The following TICAM2 variants were observed in gnomAD, a reference collection of about 807,000 sequenced individuals.
The protein encoded by TICAM2 is TIR domain-containing adapter molecule 2.
A neutral mutation model predicts 7.3 loss-of-function variants in TICAM2; 8 were observed. That is an observed-to-expected ratio of 1.10 (90% confidence interval 0.65 to 1.99). TICAM2 has a LOEUF of 1.99. TICAM2 is among the 30% of genes most tolerant of loss of function. The pLI, the probability that TICAM2 is intolerant of heterozygous loss-of-function variation, is 0.00. For missense variants in TICAM2, 304 were observed against 278.8 expected (o/e 1.09, Z -0.65); for synonymous variants, 113 against 99.6 (o/e 1.13, Z -0.80).
At position 115,580,796 on chromosome 5, in the gene TICAM2, T is replaced by C. The variant is rs774241097; in HGVS notation, c.461A>G (p.Tyr154Cys). The C allele has an allele frequency of 4.9e-5, 79 of 1,600,518 alleles. No homozygotes were observed. The highest frequency in any genetic ancestry group is 3.3e-4 in the Middle Eastern group (2 of 5,996). Residue 154 changes from tyrosine (Y) to cysteine (C), a missense_variant, in exon 2 of 2, where the codon TAT becomes TGT. Coordinates refer to ENST00000427199, the MANE Select transcript of TICAM2 (RefSeq NM_021649.7). Reference sequence around the variant, plus strand: ...GTTAACGGAGTTCATTAGGGACGTATAGAACTGGAAATTACACCAAGTATC... The same window carrying C: ...GTTAACGGAGTTCATTAGGGACGTACAGAACTGGAAATTACACCAAGTATC... ...LRDTWCNFQF[Y>C]TSLMNSVNRQ...
rs1252599861 is a variant in TICAM2, at chr5:115,579,110, A to C, written c.*1439T>G. On this transcript the variant is annotated 3_prime_UTR_variant, in exon 2 of 2. Coordinates refer to ENST00000427199, the MANE Select transcript of TICAM2 (RefSeq NM_021649.7). ...TTTAAGAAAGCCTGAGTAAGCATGT[A>C]TATTTTTTTCCTGTGACTTTAAGTG... 6.6e-6 allele frequency: 1 copy of C among 152,662 alleles called. No individual in the cohort carries two copies. Among genetic ancestry groups the C allele is most frequent in the Non-Finnish European group, 1.5e-5 (1 of 68,024 alleles). 9.5% of individuals were successfully genotyped at this position (152,662 alleles called of 1,614,324 possible).
intron 1 of TICAM2, among the ~76,000 whole-genome samples, chr5:115,591,561 A>T (rs1181452133): frequency 6.6e-6 from 1 of 152,246 alleles, no homozygotes; most frequent in Non-Finnish European, 1.5e-5. Flanking sequence ...TTGTCAGATA[A>T]CTGCAAACTT....
intron 1 of TICAM2, among the ~76,000 whole-genome samples, chr5:115,586,027 A>G (rs930226764): frequency 2.6e-5 from 4 of 152,214 alleles, no homozygotes; most frequent in African/African-American, 9.6e-5. Context: ...TAGGCATTGA[A>G]TATAGAGTCT....
chr5:115,592,953 G>T (rs1204850033), intron 1 of TICAM2, among the ~76,000 whole-genome samples: 1 of 152,164 alleles, frequency 6.6e-6, no homozygotes, highest in Non-Finnish European at 1.5e-5. Flanking sequence ...CGACCAGCCT[G>T]GCCAACATGG....
At chr5:115,586,317 C>A (rs932141227) in intron 1 of TICAM2, among the ~76,000 whole-genome samples, 3 of 151,572 alleles carry the variant, frequency 2.0e-5, no homozygotes, top group Admixed American at 6.6e-5. Flanking sequence ...TGTCTTTAGG[C>A]TAGATTTATG....
chr5:115,582,360 G>A (rs1754960033), intron 1 of TICAM2, among the ~76,000 whole-genome samples: 2 of 142,130 alleles, frequency 1.4e-5, no homozygotes, highest in African/African-American at 5.2e-5. Context: ...TTTTGGTAGA[G>A]ATGGGGTTTC....
At chr5:115,587,556 C>G (rs548555953) in intron 1 of TICAM2, among the ~76,000 whole-genome samples, 4 of 152,170 alleles carry the variant, frequency 2.6e-5, no homozygotes, top group Non-Finnish European at 5.9e-5. Context: ...GAGCCCCAAA[C>G]AGATGAAGTG....
intron 1 of TICAM2, among the ~76,000 whole-genome samples, chr5:115,590,451 C>T (rs1755259524): frequency 1.3e-5 from 2 of 152,170 alleles, no homozygotes; most frequent in Admixed American, 1.3e-4. Context: ...CAGTGCTTCC[C>T]ATACCTGGAT....
chr5:115,580,923 A>G lies in TICAM2; in HGVS notation c.334T>C (p.Phe112Leu). The change falls in exon 2 of 2, where the codon TTT (phenylalanine) becomes CTT (leucine). Residue 112 changes from phenylalanine (F) to leucine (L), a missense_variant. Phe to Leu is a conservative substitution (Grantham distance 22). Coordinates refer to ENST00000427199, the MANE Select transcript of TICAM2 (RefSeq NM_021649.7). ...DDFGIKPGII[F>L]AEMPCGRQHL... ...TGTCTGCCACATGGCATCTCAGCAA[A>G]GATTATTCCGGGTTTGATACCAAAG... The G allele has an allele frequency of 6.2e-7, 1 of 1,613,814 alleles. No homozygotes were observed. Among genetic ancestry groups the G allele is most frequent in the Non-Finnish European group, 8.5e-7 (1 of 1,179,780 alleles).
chr5:115,587,801 A>G (rs770181612), intron 1 of TICAM2, among the ~76,000 whole-genome samples: 18 of 152,296 alleles, frequency 1.2e-4, no homozygotes, highest in African/African-American at 4.1e-4. Context: ...GGCATAAAAG[A>G]GCATCTTAGA....
chr5:115,582,702 C>T lies in TICAM2; in HGVS notation c.-59-1387G>A, dbSNP rs193213991. Among the ~76,000 whole-genome samples the T allele has an allele frequency of 4.5e-4, 69 of 152,272 alleles. No individual in the cohort carries two copies. The East Asian group carries it at 8.3e-3, about 18-fold the overall frequency. ...GTTTCATACTTTCAAATGTGAGCCACAGACTATATTCCAGAGCATTTCTAC... is the reference window on the plus strand; with the variant it reads ...GTTTCATACTTTCAAATGTGAGCCATAGACTATATTCCAGAGCATTTCTAC... On this transcript the variant is annotated intron_variant, in intron 1 of 1. Transcript: ENST00000427199.
intron 1 of TICAM2, among the ~76,000 whole-genome samples, chr5:115,587,563 A>C (rs553151531): frequency 4.7e-4 from 72 of 152,298 alleles, no homozygotes; most frequent in Non-Finnish European, 8.2e-4. Flanking sequence ...AAACAGATGA[A>C]GTGATAGTGG....
rs796347169 is a variant in TICAM2 at position 115,582,322 on chromosome 5, AT to A, written c.-59-1008del. 6.4e-3 allele frequency among the ~76,000 whole-genome samples: 833 copies of A among 130,368 alleles called. 4 individuals carry two copies. Among genetic ancestry groups the A allele is most frequent in the African/African-American group, 0.017 (605 of 35,272 alleles). The allele number at this position is 130,368 out of a possible 152,430, so 85.5% of individuals were successfully genotyped here. A position where few individuals can be genotyped will look rare whatever the true frequency, so the allele number is the denominator to read the frequency against. On this transcript the variant is annotated intron_variant, in intron 1 of 1. Coordinates refer to ENST00000427199, the MANE Select transcript of TICAM2 (RefSeq NM_021649.7). The stretch of plus-strand genomic sequence containing the variant: ...CAGGTACATGCCACACACCTGGCTA[AT>A]TTTTTTTTTTTTTGGTTTTTTTTTT...
intron 1 of TICAM2, among the ~76,000 whole-genome samples, chr5:115,601,171 T>A (rs1755718605): frequency 6.6e-6 from 1 of 152,216 alleles, no homozygotes; most frequent in Non-Finnish European, 1.5e-5. Flanking sequence ...ATGTAAGGAT[T>A]GATGGGCTGA....
At position 115,579,095 on chromosome 5, in the gene TICAM2, C is replaced by T. The variant is rs542374585; in HGVS notation, c.*1454G>A. The T allele has an allele frequency of 3.3e-5, 5 of 152,614 alleles. No individual in the cohort carries two copies. Among genetic ancestry groups the T allele is most frequent in the African/African-American group, 1.2e-4 (5 of 41,512 alleles). The allele number at this position is 152,614 out of a possible 1,614,324, so 9.5% of individuals were successfully genotyped here. ...CTATAAAAATTTATTTTTAAGAAAG[C>T]CTGAGTAAGCATGTATATTTTTTTC... On this transcript the variant is annotated 3_prime_UTR_variant, in exon 2 of 2. Coordinates refer to ENST00000427199, the MANE Select transcript of TICAM2 (RefSeq NM_021649.7).
At chr5:115,586,394 A>G (rs1755105065) in intron 1 of TICAM2, among the ~76,000 whole-genome samples, 1 of 149,776 alleles carries the variant, frequency 6.7e-6, no homozygotes, top group Non-Finnish European at 1.5e-5. Context: ...CATTAATGAA[A>G]CCATTAATTA....
intron 1 of TICAM2, among the ~76,000 whole-genome samples, chr5:115,588,118 G>A (rs759596468): frequency 6.6e-6 from 1 of 152,126 alleles, no homozygotes; most frequent in Non-Finnish European, 1.5e-5. Flanking sequence ...GAAAGGAGAG[G>A]CCAATACTCA....
At chr5:115,583,308 C>T (rs1162505095) in intron 1 of TICAM2, among the ~76,000 whole-genome samples, 1 of 152,172 alleles carries the variant, frequency 6.6e-6, no homozygotes, top group Non-Finnish European at 1.5e-5. Flanking sequence ...GCCGGTAAGA[C>T]AAGTGCTTTG....
At chr5:115,582,167 TA>T (rs1754948670) in intron 1 of TICAM2, among the ~76,000 whole-genome samples, 1 of 152,068 alleles carries the variant, frequency 6.6e-6, no homozygotes, top group Non-Finnish European at 1.5e-5. Flanking sequence ...TTTATTTATT[TA>T]TTTTTTGAGA....
Sources: gnomAD v4.1 joint callset for allele counts (sites outside exome capture counted in the v4.1 genomes callset) on GRCh38, gnomAD v4.1.1 for gene constraint, MANE v1.5 for transcripts, NCBI Gene and HGNC (gene_info 2026-07-23, HGNC 2026-07-21) for gene names.